Variants in NRXN3 observed in about 807,000 individuals in gnomAD.
NRXN3 encodes neurexin III.
Under a neutral mutation model 137.6 loss-of-function variants are expected in NRXN3, and 32 were observed. The observed-to-expected ratio is 0.23, with a 90% CI of 0.18 to 0.31. NRXN3 has a LOEUF of 0.31. NRXN3 is among the 10% of genes least tolerant of loss of function. The probability of loss-of-function intolerance (pLI) is 1.00; values close to 1 mark genes in which losing one functional copy is unlikely to be tolerated. For synonymous variants in NRXN3, 798 were observed against 784.5 expected (o/e 1.02, Z -0.29); for missense variants, 1,574 against 2,062.5 (o/e 0.76, Z 4.59).
chr14:78,714,703 A>T lies in NRXN3; in HGVS notation c.1661-53A>T, dbSNP rs1465481. ...TCAGCACTCACCTGTTAGGTTTCTTACATTTGGTTAAGCAACTGGCAGACT... is the reference window on the plus strand; with the variant it reads ...TCAGCACTCACCTGTTAGGTTTCTTTCATTTGGTTAAGCAACTGGCAGACT... On this transcript the variant is annotated intron_variant, in intron 7 of 20. Coordinates refer to ENST00000335750, the MANE Select transcript of NRXN3 (RefSeq NM_001330195.2). 1,563,749 of 1,586,176 alleles carry T rather than the reference A, an allele frequency of 0.99. 771,136 individuals are homozygous for T. The highest frequency in any genetic ancestry group is 0.99 in the Non-Finnish European group (1,152,477 of 1,162,624).
intron 16 of NRXN3, among the ~76,000 whole-genome samples, chr14:79,641,721 C>T (rs1391297470): frequency 7.4e-6 from 1 of 135,064 alleles, no homozygotes; most frequent in African/African-American, 2.5e-5. Context: ...ACAAAGGCTC[C>T]CTCCAAATGC....
intron 4 of NRXN3, among the ~76,000 whole-genome samples, chr14:78,630,593 CTTTCT>C (rs1458535417): frequency 4.5e-4 from 56 of 125,366 alleles, no homozygotes; most frequent in African/African-American, 1.7e-3. Context: ...TTCTTTCTTT[CTTTCT>C]TTTTTTTTTT....
At chr14:78,596,017 T>A (rs571980505) in intron 4 of NRXN3, among the ~76,000 whole-genome samples, 2 of 152,094 alleles carry the variant, frequency 1.3e-5, no homozygotes, top group South Asian at 4.2e-4. Context: ...GGTAGAGACC[T>A]GGGATGAGGT....
intron 8 of NRXN3, among the ~76,000 whole-genome samples, chr14:78,794,606 TTGTGTGTGTG>T (rs144494895): frequency 8.1e-4 from 119 of 147,090 alleles, no homozygotes; most frequent in Non-Finnish European, 1.0e-3. Flanking sequence ...TCTATTCTAT[TTGTGTGTGTG>T]TGTGTGTGTG....
intron 15 of NRXN3, among the ~76,000 whole-genome samples, chr14:79,022,349 T>C (rs1368745013): frequency 6.6e-6 from 1 of 152,196 alleles, no homozygotes; most frequent in Admixed American, 6.5e-5. Context: ...AATTCTTTTT[T>C]TTAAATTGGT....
chr14:79,768,044 T>C (rs1407522198), intron 19 of NRXN3, among the ~76,000 whole-genome samples: 3 of 152,322 alleles, frequency 2.0e-5, no homozygotes, highest in South Asian at 4.1e-4. Context: ...CACTCCCACC[T>C]GAATACTGTG....
intron 15 of NRXN3, among the ~76,000 whole-genome samples, chr14:79,383,142 C>T (rs933339428): frequency 6.6e-6 from 1 of 152,114 alleles, no homozygotes; most frequent in African/African-American, 2.4e-5. Flanking sequence ...TCCCAATCCT[C>T]CAGTTCTAAC....
intron 16 of NRXN3, among the ~76,000 whole-genome samples, chr14:79,650,585 C>T (rs2098471174): frequency 6.6e-6 from 1 of 152,112 alleles, no homozygotes; most frequent in African/African-American, 2.4e-5. Context: ...GATTCAAATG[C>T]AGTTGCCCTA....
intron 15 of NRXN3, among the ~76,000 whole-genome samples, chr14:79,286,535 A>AATATAT (rs111827205): frequency 0.022 from 3,066 of 139,578 alleles, 51 homozygotes; most frequent in East Asian, 0.073. Context: ...TTGAGAGAAT[A>AATATAT]ATATATATAT....
intron 20 of NRXN3, among the ~76,000 whole-genome samples, chr14:79,842,279 T>C (rs889071454): frequency 6.6e-6 from 1 of 151,834 alleles, no homozygotes; most frequent in African/African-American, 2.4e-5. Context: ...TCATGAGGAG[T>C]TGATGTTCAG....
At chr14:78,578,618 T>A (rs999431425) in intron 4 of NRXN3, among the ~76,000 whole-genome samples, 1 of 152,162 alleles carries the variant, frequency 6.6e-6, no homozygotes, top group African/African-American at 2.4e-5. Flanking sequence ...ATCACCATGA[T>A]GATGAGAAGC....
intron 15 of NRXN3, among the ~76,000 whole-genome samples, chr14:79,187,455 G>T (rs535193013): frequency 3.3e-4 from 51 of 152,262 alleles, no homozygotes; most frequent in Non-Finnish European, 5.9e-4. Context: ...AGCTAAAACA[G>T]ATTAAATGAC....
intron 15 of NRXN3, among the ~76,000 whole-genome samples, chr14:78,993,034 G>T (rs974294437): frequency 6.6e-6 from 1 of 152,160 alleles, no homozygotes; most frequent in Non-Finnish European, 1.5e-5. Flanking sequence ...GTTCACACTG[G>T]CATGTGGTAA....
chr14:79,258,788 A>G (rs1452988738), intron 15 of NRXN3, among the ~76,000 whole-genome samples: 1 of 152,210 alleles, frequency 6.6e-6, no homozygotes, highest in Non-Finnish European at 1.5e-5. Flanking sequence ...TGTCTCTTCT[A>G]AAACAGATAC....
rs141818424 is a variant in NRXN3, at chr14:78,789,588, G to T, written c.2045-14032G>T. Among the ~76,000 whole-genome samples the T allele has an allele frequency of 1.6e-3, 249 of 152,204 alleles. 5 individuals carry two copies. Among genetic ancestry groups the T allele is most frequent in the African/African-American group, 5.8e-3 (239 of 41,540 alleles). On this transcript the variant is annotated intron_variant, in intron 8 of 20. Coordinates refer to ENST00000335750, the MANE Select transcript of NRXN3 (RefSeq NM_001330195.2). The stretch of plus-strand genomic sequence containing the variant: ...TCCTGAACCTTGAATTTTCTGCATG[G>T]TATTAGATTGGTGCAAAAGTAATTG...
At chr14:79,163,890 CCAA>C (rs60595523) in intron 15 of NRXN3, among the ~76,000 whole-genome samples, 5,186 of 143,660 alleles carry the variant, frequency 0.036, 242 homozygotes, top group East Asian at 0.23. Context: ...AAAAATAATG[CCAA>C]CAACAACAAC....
At chr14:79,810,685 G>A (rs1028978853) in intron 20 of NRXN3, among the ~76,000 whole-genome samples, 1 of 152,114 alleles carries the variant, frequency 6.6e-6, no homozygotes, top group Admixed American at 6.5e-5. Context: ...TATTTTCCAG[G>A]TGGAACTGGA....
At chr14:78,333,591 G>C (rs1345793137) in intron 4 of NRXN3, among the ~76,000 whole-genome samples, 3 of 152,168 alleles carry the variant, frequency 2.0e-5, no homozygotes, top group Non-Finnish European at 4.4e-5. Flanking sequence ...GAATGTGGGT[G>C]AGAGATGGAA....
At chr14:79,056,188 CATAGGA>C (rs1156283350) in intron 15 of NRXN3, among the ~76,000 whole-genome samples, 2 of 152,022 alleles carry the variant, frequency 1.3e-5, no homozygotes, top group Non-Finnish European at 2.9e-5. Flanking sequence ...AGCAAGGGTG[CATAGGA>C]ATAGCTAACA....
Sources: gnomAD v4.1 joint callset for allele counts (sites outside exome capture counted in the v4.1 genomes callset) on GRCh38, gnomAD v4.1.1 for gene constraint, MANE v1.5 for transcripts, NCBI Gene and HGNC (gene_info 2026-07-23, HGNC 2026-07-21) for gene names.